The following ATF6 variants were observed in gnomAD, a reference collection of about 807,000 sequenced individuals.
ATF6 encodes cyclic AMP-dependent transcription factor ATF-6 alpha.
A neutral mutation model predicts 83.6 loss-of-function variants in ATF6; 53 were observed. The observed-to-expected ratio is 0.63, with a 90% CI of 0.51 to 0.80. The LOEUF (loss-of-function observed/expected upper bound fraction) is 0.80, where lower values mean the gene tolerates loss of function less well. Among genes scored for constraint, ATF6 ranks in the 30% least tolerant of loss-of-function variants. The pLI, the probability that ATF6 is intolerant of heterozygous loss-of-function variation, is 0.00. For missense variants in ATF6, 744 were observed against 797.9 expected, an observed-to-expected ratio of 0.93 and a Z score of 0.81; for synonymous variants, 288 against 285.8, an observed-to-expected ratio of 1.01 and a Z score of -0.08.
chr1:161,894,314 A>G (rs1687623287), intron 14 of ATF6, among the ~76,000 whole-genome samples: 1 of 151,456 alleles, frequency 6.6e-6, no homozygotes, highest in Admixed American at 6.6e-5. Context: ...CTAAAACATG[A>G]AGACCACTAA....
rs577417524 is a variant in ATF6 at position 161,898,100 on chromosome 1, G to C, written c.1720-14196G>C. ...ATTGATTCGTCATCTGGTTCATAAT[G>C]TACAATTCAGTAAAAGCCATTCAGA... is the stretch of plus-strand genomic sequence containing the variant. On this transcript the variant is annotated intron_variant, in intron 14 of 15. Transcript: ENST00000367942. 1.1e-4 allele frequency among the ~76,000 whole-genome samples: 17 copies of C among 152,250 alleles called. 1 individual carries two copies. The South Asian group carries it at 3.5e-3, about 32-fold the overall frequency.
intron 1 of ATF6, among the ~76,000 whole-genome samples, chr1:161,768,947 A>G (rs1396324187): frequency 6.6e-6 from 1 of 152,192 alleles, no homozygotes; most frequent in East Asian, 1.9e-4. Context: ...TGTGATTTTA[A>G]CAACTCTAAA....
rs1689095467 is a variant in ATF6 at position 161,961,354 on chromosome 1, C to T, written c.*2700C>T. On this transcript the variant is annotated 3_prime_UTR_variant, in exon 16 of 16. Transcript: ENST00000367942. ...CTAGCCCTTCTACTCTTTGTCATTG[C>T]CTGTTCTTGAGTGGATCTTTGAAAT... 1 of 152,204 alleles carries T rather than the reference C, an allele frequency of 6.6e-6. No homozygotes were observed. The highest frequency in any genetic ancestry group is 1.5e-5 in the Non-Finnish European group (1 of 68,066). The allele number at this position is 152,204 out of a possible 1,614,324, so 9.4% of individuals were successfully genotyped here.
In ATF6 at chr1:161,819,744, G is replaced by T. The variant is rs1685704782; in HGVS notation, c.1021G>T (p.Ala341Ser). The change falls in exon 8 of 16, where the codon GCC becomes TCC. Residue 341 changes from alanine to serine, a missense_variant. By Grantham distance (99) the Ala-to-Ser change is moderately conservative. Coordinates refer to ENST00000367942, the MANE Select transcript of ATF6 (RefSeq NM_007348.4). ...AGGGTTAGAGGCGAGATTAAAGGCT[G>T]CCCTCTCAGAAAACGAGCAACTGAA... ...MLGLEARLKA[A>S]LSENEQLKKE... The T allele has an allele frequency of 6.2e-7, 1 of 1,612,664 alleles. No individual in the cohort carries two copies. The highest frequency in any genetic ancestry group is 8.5e-7 in the Non-Finnish European group (1 of 1,179,496).
chr1:161,854,597 C>T (rs1215555568), intron 12 of ATF6, among the ~76,000 whole-genome samples: 2 of 152,262 alleles, frequency 1.3e-5, no homozygotes, highest in East Asian at 1.9e-4. Context: ...GGAGGCTGGG[C>T]GTGGTGGCTC....
At chr1:161,832,659 T>C (rs1686094823) in intron 9 of ATF6, among the ~76,000 whole-genome samples, 1 of 152,240 alleles carries the variant, frequency 6.6e-6, no homozygotes, top group Admixed American at 6.5e-5. Context: ...CGCTCATTGC[T>C]AGCACAGCAG....
In ATF6 at chr1:161,894,532, T is replaced by C. The variant is rs1442639498; in HGVS notation, c.1720-17764T>C. 4.2e-5 allele frequency among the ~76,000 whole-genome samples: 3 copies of C among 71,468 alleles called. No individual in the cohort carries two copies. The South Asian group carries it at 1.4e-3, about 33-fold the overall frequency. The allele number at this position is 71,468 out of a possible 152,430, so 46.9% of individuals were successfully genotyped here. A position where few individuals can be genotyped will look rare whatever the true frequency, so the allele number is the denominator to read the frequency against. The stretch of plus-strand genomic sequence containing the variant: ...ATTTGTTTTGTAGTCTTTTTTTTTT[T>C]TTTTTTTTTTTTTTTTTTTTTTGAG... On this transcript the variant is annotated intron_variant, in intron 14 of 15. Coordinates refer to ENST00000367942, the MANE Select transcript of ATF6 (RefSeq NM_007348.4).
intron 15 of ATF6, among the ~76,000 whole-genome samples, chr1:161,936,643 T>C (rs893491105): frequency 1.3e-5 from 2 of 152,252 alleles, no homozygotes; most frequent in Admixed American, 6.5e-5. Flanking sequence ...ACCCTAACTA[T>C]GACAGTAAGT....
At chr1:161,950,678 G>A (rs1186313309) in intron 15 of ATF6, among the ~76,000 whole-genome samples, 4 of 152,112 alleles carry the variant, frequency 2.6e-5, no homozygotes, top group East Asian at 1.9e-4. Context: ...AGGTTCCAGG[G>A]CTAGTTCACT....
At chr1:161,813,925 C>T (rs1685540365) in intron 7 of ATF6, among the ~76,000 whole-genome samples, 1 of 150,170 alleles carries the variant, frequency 6.7e-6, no homozygotes, top group East Asian at 1.9e-4. Context: ...ACTTTTGTTG[C>T]CCAGGCTGGA....
chr1:161,821,035 AG>A (rs1685748072), intron 8 of ATF6, 34 bp from the exon 9 acceptor site: 2 of 1,434,150 alleles, frequency 1.4e-6, no homozygotes, highest in African/African-American at 2.9e-5. Context: ...AATCGATGTT[AG>A]TTTAATTGTA....
intron 15 of ATF6, among the ~76,000 whole-genome samples, chr1:161,914,028 A>G (rs1688042702): frequency 6.6e-6 from 1 of 152,256 alleles, no homozygotes; most frequent in South Asian, 2.1e-4. Context: ...GGATTTGGAA[A>G]AATCCAGTCA....
In ATF6 at chr1:161,812,474, G is replaced by C. The variant is rs1300905870; in HGVS notation, c.910-7159G>C. 2.5e-5 allele frequency among the ~76,000 whole-genome samples: 3 copies of C among 121,186 alleles called. No individual in the cohort carries two copies. The South Asian group carries it at 8.4e-4, about 34-fold the overall frequency. The allele number at this position is 121,186 out of a possible 152,430, so 79.5% of individuals were successfully genotyped here. A position where few individuals can be genotyped will look rare whatever the true frequency, so the allele number is the denominator to read the frequency against. ...GTGGCGGGATCTCGGCTCACTGCAA[G>C]CTCCGCCTCCCGGGTTCACGCCATT... On this transcript the variant is annotated intron_variant, in intron 7 of 15. Transcript: ENST00000367942.
At chr1:161,787,073 C>A (rs1684763231) in intron 4 of ATF6, among the ~76,000 whole-genome samples, 1 of 152,270 alleles carries the variant, frequency 6.6e-6, no homozygotes, top group East Asian at 1.9e-4. Flanking sequence ...AGGAATGTCA[C>A]AGAAGTGCTG....
chr1:161,960,126 T>TA lies in ATF6; in HGVS notation c.*1473dup, dbSNP rs1558042321. On this transcript the variant is annotated 3_prime_UTR_variant, in exon 16 of 16. Coordinates refer to ENST00000367942, the MANE Select transcript of ATF6 (RefSeq NM_007348.4). ...AAAGCTGTGTTCATTTTTACTGTAC[T>TA]ATGCCTCTTTTTTCACCATAGTAGA... is the stretch of plus-strand genomic sequence containing the variant. 1 of 152,014 alleles carries TA rather than the reference T, an allele frequency of 6.6e-6. No homozygotes were observed. Among genetic ancestry groups the TA allele is most frequent in the African/African-American group, 2.4e-5 (1 of 41,382 alleles). The allele number at this position is 152,014 out of a possible 1,614,324, so 9.4% of individuals were successfully genotyped here. A position where few individuals can be genotyped will look rare whatever the true frequency, so the allele number is the denominator to read the frequency against.
intron 6 of ATF6, among the ~76,000 whole-genome samples, chr1:161,800,053 G>A (rs533911714): frequency 6.6e-6 from 1 of 152,214 alleles, no homozygotes; most frequent in South Asian, 2.1e-4. Context: ...AAGGCTTTCA[G>A]CACCTTATAA....
At chr1:161,849,785 T>A (rs1207653137) in intron 10 of ATF6, among the ~76,000 whole-genome samples, 1 of 152,190 alleles carries the variant, frequency 6.6e-6, no homozygotes, top group African/African-American at 2.4e-5. Flanking sequence ...CTCTTCTGAG[T>A]CTCCAGAGTC....
chr1:161,944,572 G>T (rs1360774543), intron 15 of ATF6, among the ~76,000 whole-genome samples: 1 of 152,062 alleles, frequency 6.6e-6, no homozygotes, highest in Non-Finnish European at 1.5e-5. Context: ...CCGTCTGTTT[G>T]ATTCTTTCCC....
At chr1:161,868,068 A>T (rs1687045310) in intron 14 of ATF6, among the ~76,000 whole-genome samples, 1 of 152,210 alleles carries the variant, frequency 6.6e-6, no homozygotes, top group African/African-American at 2.4e-5. Flanking sequence ...CTTGTGCTTC[A>T]TTGGGTGGAA....
Sources: gnomAD v4.1 joint callset for allele counts (sites outside exome capture counted in the v4.1 genomes callset) on GRCh38, gnomAD v4.1.1 for gene constraint, MANE v1.5 for transcripts, NCBI Gene and HGNC (gene_info 2026-07-23, HGNC 2026-07-21) for gene names.